The following SPIN1 variants were observed in gnomAD, a reference collection of about 807,000 sequenced individuals.
SPIN1 encodes spindlin 1.
In SPIN1, 3 loss-of-function variants were observed where a neutral mutation model predicts 26.0. The ratio of observed to expected loss-of-function variants is 0.12; its 90% CI spans 0.05 to 0.30. The LOEUF (loss-of-function observed/expected upper bound fraction) is 0.30, where lower values mean the gene tolerates loss of function less well. SPIN1 is among the 10% of genes least tolerant of loss of function. SPIN1 has a pLI of 1.00. For synonymous variants in SPIN1, 101 were observed against 116.5 expected (o/e 0.87, Z 0.86); for missense variants, 126 against 333.4 (o/e 0.38, Z 4.84).
intron 3 of SPIN1, among the ~76,000 whole-genome samples, chr9:88,451,675 C>T (rs1828355687): frequency 6.6e-6 from 1 of 152,192 alleles, no homozygotes; most frequent in South Asian, 2.1e-4. Flanking sequence ...GTTCTCCTGC[C>T]TCAGCTTCCT....
intron 2 of SPIN1, among the ~76,000 whole-genome samples, chr9:88,443,134 AC>A (rs761757082): frequency 0.015 from 2,226 of 147,356 alleles, 109 homozygotes; most frequent in African/African-American, 0.045. Flanking sequence ...AAAAAAAAAA[AC>A]AAAAAAAAAC....
At chr9:88,398,764 G>A (rs1367994253) in intron 1 of SPIN1, among the ~76,000 whole-genome samples, 4 of 151,810 alleles carry the variant, frequency 2.6e-5, no homozygotes, top group African/African-American at 4.8e-5. Flanking sequence ...CAGTAGAAAC[G>A]GGTTTCTCCA....
At chr9:88,438,871 T>C (rs184006606) in intron 2 of SPIN1, among the ~76,000 whole-genome samples, 2 of 152,310 alleles carry the variant, frequency 1.3e-5, no homozygotes, top group Admixed American at 1.3e-4. Flanking sequence ...ATTGGAGGAC[T>C]AGAGCAGGGT....
chr9:88,419,733 A>G (rs1047298243), intron 1 of SPIN1, among the ~76,000 whole-genome samples: 1 of 152,186 alleles, frequency 6.6e-6, no homozygotes. Context: ...ATACTTTGCC[A>G]TGTTCATGTT....
chr9:88,446,638 C>T lies in SPIN1; in HGVS notation c.53-2303C>T, dbSNP rs146161676. 1.6e-3 allele frequency among the ~76,000 whole-genome samples: 240 copies of T among 152,144 alleles called. 3 individuals are homozygous for T. In the East Asian group the frequency reaches 0.036, roughly 23 times the overall value. ...AGCCAGGCTGGTCTTGAACTCCTGA[C>T]CTCATGTGATCCACCCTCCTCTGTC... On this transcript the variant is annotated intron_variant, in intron 2 of 5. Coordinates refer to ENST00000375859, the MANE Select transcript of SPIN1 (RefSeq NM_006717.3).
chr9:88,452,752 T>C (rs1828387182), intron 3 of SPIN1, among the ~76,000 whole-genome samples: 1 of 152,192 alleles, frequency 6.6e-6, no homozygotes, highest in Non-Finnish European at 1.5e-5. Flanking sequence ...TTTTATTGAA[T>C]AACAGTTACC....
At chr9:88,417,111 C>G (rs936880080) in intron 1 of SPIN1, among the ~76,000 whole-genome samples, 1 of 152,166 alleles carries the variant, frequency 6.6e-6, no homozygotes. Flanking sequence ...TTCTTTGTAA[C>G]TACATGCCAT....
chr9:88,396,067 C>A (rs11142280), intron 1 of SPIN1, among the ~76,000 whole-genome samples: 28,825 of 148,888 alleles, frequency 0.19, 3,702 homozygotes, highest in African/African-American at 0.37. Flanking sequence ...GCAACAACAA[C>A]AAAAAAACCC....
chr9:88,414,386 C>T (rs1320154492), intron 1 of SPIN1, among the ~76,000 whole-genome samples: 1 of 152,154 alleles, frequency 6.6e-6, no homozygotes, highest in African/African-American at 2.4e-5. Flanking sequence ...AGGTGCTCAC[C>T]ATGAATCACA....
At chr9:88,411,255 C>A in intron 1 of SPIN1, 1 of 1,136,558 alleles carries the variant, frequency 8.8e-7, no homozygotes, top group Non-Finnish European at 1.3e-6. Context: ...TTCATGGCTG[C>A]ATCCTCCACC....
At chr9:88,394,808 AT>A (rs397952642) in intron 1 of SPIN1, among the ~76,000 whole-genome samples, 2,234 of 114,026 alleles carry the variant, frequency 0.02, 30 homozygotes, top group African/African-American at 0.063. Context: ...TATTTAATGT[AT>A]TTTTTTTTTT....
chr9:88,443,140 A>C (rs1464053524), intron 2 of SPIN1, among the ~76,000 whole-genome samples: 2 of 151,884 alleles, frequency 1.3e-5, no homozygotes, highest in African/African-American at 2.4e-5. Flanking sequence ...AAAAACAAAA[A>C]AAAACTCAGT....
intron 1 of SPIN1, among the ~76,000 whole-genome samples, chr9:88,389,623 C>T (rs1210474793): frequency 2.6e-5 from 4 of 152,038 alleles, no homozygotes; most frequent in African/African-American, 4.8e-5. Flanking sequence ...AAAACAATAC[C>T]AGGAACATTT....
intron 2 of SPIN1, among the ~76,000 whole-genome samples, chr9:88,447,764 A>C (rs550976795): frequency 2.6e-5 from 4 of 152,042 alleles, no homozygotes; most frequent in African/African-American, 7.2e-5. Context: ...ACCCTTCCCA[A>C]CGCTACACTG....
In SPIN1 at chr9:88,462,739, T is replaced by C; in HGVS notation, c.345T>C (p.Pro115=). ...DERVSALEVL[P]DRVATSRISD... ...GAGTTTCTGCGCTTGAAGTCCTCCC[T>C]GATAGAGTTGGTAAGTTCTTTTTAT... The change falls in exon 4 of 6, where the codon CCT becomes CCC. Residue 115 remains proline (P), a synonymous_variant. Coordinates refer to ENST00000375859, the MANE Select transcript of SPIN1 (RefSeq NM_006717.3). The C allele has an allele frequency of 6.2e-7, 1 of 1,609,238 alleles. No homozygotes were observed. The highest frequency in any genetic ancestry group is 8.5e-7 in the Non-Finnish European group (1 of 1,177,628).
intron 2 of SPIN1, among the ~76,000 whole-genome samples, chr9:88,444,034 G>A (rs923256950): frequency 2.0e-5 from 3 of 151,538 alleles, no homozygotes; most frequent in Non-Finnish European, 3.0e-5. Flanking sequence ...CTTTATCTCC[G>A]CCTGCCTCTC....
intron 1 of SPIN1, among the ~76,000 whole-genome samples, chr9:88,410,089 G>A (rs1262507377): frequency 6.6e-6 from 1 of 151,710 alleles, no homozygotes; most frequent in African/African-American, 2.4e-5. Flanking sequence ...AATGTAGGGT[G>A]TCCCTCTTTA....
At chr9:88,451,761 G>C (rs980235839) in intron 3 of SPIN1, among the ~76,000 whole-genome samples, 1 of 152,120 alleles carries the variant, frequency 6.6e-6, no homozygotes, top group Non-Finnish European at 1.5e-5. Context: ...GGGTTTCACT[G>C]TGTTGGCCAG....
Position 88,445,694 on chromosome 9 carries a change from CT to C in SPIN1, c.53-3237del, listed in dbSNP as rs921468394. Reference sequence around the variant, plus strand: ...TACAGACGCCCACCACTATGCCCAGCTTTTTTTTTTCCCCCCGTATTTTTGG... The same window carrying C: ...TACAGACGCCCACCACTATGCCCAGCTTTTTTTTTCCCCCCGTATTTTTGG... On this transcript the variant is annotated intron_variant, in intron 2 of 5. Transcript: ENST00000375859. Among the ~76,000 whole-genome samples, 114 of 147,622 alleles carry C rather than the reference CT, an allele frequency of 7.7e-4. No homozygotes were observed. The South Asian group carries it at 9.5e-3, about 12-fold the overall frequency.
Sources: gnomAD v4.1 joint callset for allele counts (sites outside exome capture counted in the v4.1 genomes callset) on GRCh38, gnomAD v4.1.1 for gene constraint, MANE v1.5 for transcripts, NCBI Gene and HGNC (gene_info 2026-07-23, HGNC 2026-07-21) for gene names.